SPATS2: variants seen among roughly 807,000 people sequenced by gnomAD.
SPATS2 encodes the protein spermatogenesis associated serine rich 2.
Under a neutral mutation model 63.7 loss-of-function variants are expected in SPATS2, and 38 were observed. That is an observed-to-expected ratio of 0.60 (90% CI 0.46 to 0.78). The LOEUF (loss-of-function observed/expected upper bound fraction) is 0.78, where lower values mean the gene tolerates loss of function less well. Among genes scored for constraint, SPATS2 ranks in the 30% least tolerant of loss-of-function variants. The pLI is 0.00. For synonymous variants in SPATS2, 207 were observed against 232.9 expected (o/e 0.89, Z 1.01); for missense variants, 588 against 666.2 (o/e 0.88, Z 1.29).
chr12:49,513,529 C>CCT (rs1946787545), intron 9 of SPATS2, among the ~76,000 whole-genome samples: 1 of 152,078 alleles, frequency 6.6e-6, no homozygotes, highest in African/African-American at 2.4e-5. Context: ...GCTTTATGTG[C>CCT]CTATAAACCA....
intron 2 of SPATS2, among the ~76,000 whole-genome samples, chr12:49,411,058 G>A (rs1037725583): frequency 4.0e-5 from 6 of 151,800 alleles, no homozygotes; most frequent in African/African-American, 9.7e-5. Flanking sequence ...GTGGGCAAGC[G>A]AAAACCTTTT....
intron 2 of SPATS2, among the ~76,000 whole-genome samples, chr12:49,415,033 G>A (rs1434740117): frequency 5.5e-5 from 8 of 145,696 alleles, no homozygotes; most frequent in African/African-American, 2.1e-4. Context: ...TCTGCCTCCC[G>A]CATTCAAGTG....
At chr12:49,422,581 A>G (rs1177937270) in intron 2 of SPATS2, among the ~76,000 whole-genome samples, 1 of 152,160 alleles carries the variant, frequency 6.6e-6, no homozygotes, top group East Asian at 1.9e-4. Context: ...CATTATTAGT[A>G]TAGTTCCTGG....
At chr12:49,420,714 TCAAGAATGCTTAA>T (rs1359878316) in intron 2 of SPATS2, among the ~76,000 whole-genome samples, 14 of 152,126 alleles carry the variant, frequency 9.2e-5, no homozygotes, top group African/African-American at 3.4e-4. Context: ...ATACATAGGA[TCAAGAATGCTTAA>T]CATTTGGTAG....
intron 9 of SPATS2, among the ~76,000 whole-genome samples, chr12:49,514,243 A>C (rs2138043345): frequency 6.6e-6 from 1 of 152,090 alleles, no homozygotes; most frequent in East Asian, 1.9e-4. Context: ...TTACTAAAAA[A>C]TGTGTTTTGT....
At chr12:49,505,504 T>G (rs1301333832) in intron 9 of SPATS2, among the ~76,000 whole-genome samples, 4 of 152,180 alleles carry the variant, frequency 2.6e-5, no homozygotes, top group African/African-American at 9.6e-5. Context: ...CAGAAACTAG[T>G]TGAGCATCCC....
At chr12:49,466,219 A>C (rs1945912330) in intron 3 of SPATS2, among the ~76,000 whole-genome samples, 1 of 151,982 alleles carries the variant, frequency 6.6e-6, no homozygotes, top group African/African-American at 2.4e-5. Context: ...GCTGGAGTAC[A>C]GTGGAGCAAT....
intron 10 of SPATS2, among the ~76,000 whole-genome samples, chr12:49,516,181 A>G (rs1365459747): frequency 1.2e-5 from 1 of 80,306 alleles, no homozygotes; most frequent in Non-Finnish European, 2.8e-5. Context: ...ATATATATAT[A>G]TATATATATA....
chr12:49,522,681 G>A, intron 11 of SPATS2, 70 bp from the exon 12 acceptor site: 2 of 1,251,730 alleles, frequency 1.6e-6, no homozygotes, highest in Middle Eastern at 1.9e-4. Flanking sequence ...TGTTTAATCT[G>A]TATAGCAAGT....
intron 5 of SPATS2, 74 bp downstream of exon 5, chr12:49,489,647 C>T: frequency 8.0e-7 from 1 of 1,248,680 alleles, no homozygotes; most frequent in East Asian, 2.6e-5. Flanking sequence ...TTATAACATT[C>T]AGCAATCCAG....
chr12:49,462,163 T>G, intron 3 of SPATS2: 1 of 601,940 alleles, frequency 1.7e-6, no homozygotes, highest in South Asian at 2.0e-5. Flanking sequence ...ATTTCATGTC[T>G]GTGTTTTGCC....
At position 49,496,899 on chromosome 12, in the gene SPATS2, A is replaced by G; in HGVS notation, c.593A>G (p.Asn198Ser). ...TKSLTMHSIH[N>S]SQQPRNAAKS... The stretch of plus-strand genomic sequence containing the variant: ...TCTTTGACTATGCACTCTATTCACA[A>G]TTCTCAACAACCCAGGAATGCTGCC... Residue 198 changes from asparagine to serine, a missense_variant, in exon 8 of 14, where the codon AAT becomes AGT. Asn to Ser is a conservative substitution (Grantham distance 46). Coordinates refer to ENST00000552918, the MANE Select transcript of SPATS2 (RefSeq NM_023071.4). 1 of 1,613,896 alleles carries G rather than the reference A, an allele frequency of 6.2e-7. No individual in the cohort carries two copies. Among genetic ancestry groups the G allele is most frequent in the South Asian group, 1.1e-5 (1 of 91,010 alleles).
intron 2 of SPATS2, among the ~76,000 whole-genome samples, chr12:49,400,412 T>C (rs915679434): frequency 6.6e-6 from 1 of 152,168 alleles, no homozygotes; most frequent in Non-Finnish European, 1.5e-5. Context: ...ACTGGGGTTA[T>C]GGCTTATCTT....
chr12:49,513,892 C>T (rs984025892), intron 9 of SPATS2, among the ~76,000 whole-genome samples: 5 of 152,234 alleles, frequency 3.3e-5, no homozygotes, highest in South Asian at 4.1e-4. Context: ...CGCGGTGGCT[C>T]ACACCTGTAA....
chr12:49,499,281 A>G (rs1441812613), intron 8 of SPATS2, among the ~76,000 whole-genome samples: 1 of 152,212 alleles, frequency 6.6e-6, no homozygotes, highest in African/African-American at 2.4e-5. Flanking sequence ...TTGCTGAGGC[A>G]GTATCCTTCC....
chr12:49,381,574 G>T (rs1316773719), intron 2 of SPATS2, among the ~76,000 whole-genome samples: 1 of 152,164 alleles, frequency 6.6e-6, no homozygotes, highest in Non-Finnish European at 1.5e-5. Context: ...TAATTCCTAA[G>T]AATTAATGGC....
At chr12:49,510,262 TAAAAA>T (rs766265197) in intron 9 of SPATS2, among the ~76,000 whole-genome samples, 2 of 127,100 alleles carry the variant, frequency 1.6e-5, no homozygotes, top group Non-Finnish European at 3.3e-5. Context: ...GACCCTGTCT[TAAAAA>T]AAAAAAAAAA....
intron 2 of SPATS2, among the ~76,000 whole-genome samples, chr12:49,430,276 T>C (rs1008639837): frequency 6.7e-6 from 1 of 148,772 alleles, no homozygotes; most frequent in Non-Finnish European, 1.5e-5. Context: ...TTTTGTATTA[T>C]TTTTTAGTAG....
chr12:49,484,661 A>G lies in SPATS2; in HGVS notation c.97A>G (p.Lys33Glu). 1 of 1,613,976 alleles carries G rather than the reference A, an allele frequency of 6.2e-7. No individual in the cohort carries two copies. The highest frequency in any genetic ancestry group is 8.5e-7 in the Non-Finnish European group (1 of 1,179,892). ...CCAGGGAGGAGCTTTTGAGAACATG[A>G]AAGAGAAGGTAAGACTAGTCACTAT... ...LAQGGAFENM[K>E]EKINAVRAIV... is the part of the protein sequence containing the mutation. Residue 33 changes from lysine to glutamate, a missense_variant, in exon 4 of 14, where the codon AAA (lysine) becomes GAA (glutamate). Lys to Glu is a moderately conservative substitution (Grantham distance 56). Transcript: ENST00000552918.
Sources: gnomAD v4.1 joint callset for allele counts (sites outside exome capture counted in the v4.1 genomes callset) on GRCh38, gnomAD v4.1.1 for gene constraint, MANE v1.5 for transcripts, NCBI Gene and HGNC (gene_info 2026-07-23, HGNC 2026-07-21) for gene names.